The following XG variants were observed in gnomAD, a reference collection of about 807,000 sequenced individuals.
XG encodes the protein glycoprotein Xg.
A neutral mutation model predicts 25.7 loss-of-function variants in XG; 24 were observed. The ratio of observed to expected loss-of-function variants is 0.93; its 90% CI spans 0.68 to 1.31. The LOEUF (loss-of-function observed/expected upper bound fraction) is 1.31. Among genes scored for constraint, XG ranks in the 40% most tolerant of loss-of-function variants. XG has a pLI of 0.00. For synonymous variants in XG, 77 were observed against 69.2 expected, an observed-to-expected ratio of 1.11 and a Z score of -0.56; for missense variants, 181 against 187.6, an observed-to-expected ratio of 0.96 and a Z score of 0.21.
chrX:2,801,042 G>A (rs1265533817), intron 7 of XG, among the ~76,000 whole-genome samples: 3 of 106,893 alleles, frequency 2.8e-5, no homozygotes, highest in Non-Finnish European at 5.8e-5. Context: ...AACGTACTAT[G>A]AGATGAGTTC....
At position 2,815,664 on chromosome X, in the gene XG, G is replaced by A. The variant is rs1362626356; in HGVS notation, c.*1284G>A. 3 of 110,728 alleles carry A rather than the reference G, an allele frequency of 2.7e-5. No individual in the cohort carries two copies. Among genetic ancestry groups the A allele is most frequent in the Non-Finnish European group, 5.7e-5 (3 of 52,872 alleles). 9.1% of individuals were successfully genotyped at this position (110,728 alleles called of 1,213,427 possible). A position where few individuals can be genotyped will look rare whatever the true frequency, so the allele number is the denominator to read the frequency against. ...TCCATATTTCCTATTTCAGTATTAGGTCCTGCAACACTTTTCAATTCTTGT... is the reference window on the plus strand; with the variant it reads ...TCCATATTTCCTATTTCAGTATTAGATCCTGCAACACTTTTCAATTCTTGT... On this transcript the variant is annotated 3_prime_UTR_variant, in exon 11 of 11. Coordinates refer to ENST00000644266, the MANE Select transcript of XG (RefSeq NM_001141919.2).
At chrX:2,782,391 C>G (rs989510568) in intron 4 of XG, among the ~76,000 whole-genome samples, 2 of 112,071 alleles carry the variant, frequency 1.8e-5, no homozygotes, top group African/African-American at 6.5e-5. Context: ...GCTGCCTAGA[C>G]AGAGCTGATT....
chrX:2,776,564 G>C (rs760350309), intron 3 of XG, among the ~76,000 whole-genome samples: 1 of 152,206 alleles, frequency 6.6e-6, no homozygotes, highest in South Asian at 2.1e-4. Context: ...GGCTCTCTTA[G>C]CTAAGGGAGA....
intron 3 of XG, among the ~76,000 whole-genome samples, chrX:2,776,034 A>C (rs1228228667): frequency 6.6e-6 from 1 of 152,114 alleles, no homozygotes; most frequent in Non-Finnish European, 1.5e-5. Context: ...TCACGCCTGT[A>C]ATCCCAGCAC....
At chrX:2,785,453 TAA>T (rs200718557) in intron 4 of XG, among the ~76,000 whole-genome samples, 4 of 92,846 alleles carry the variant, frequency 4.3e-5, no homozygotes, top group Non-Finnish European at 8.8e-5. Flanking sequence ...TTAAAAAACT[TAA>T]AAAAATTTTT....
chrX:2,780,729 A>AT (rs1569463969), intron 3 of XG, among the ~76,000 whole-genome samples: 4 of 60,018 alleles, frequency 6.7e-5, no homozygotes. Context: ...AAAAAAAAAA[A>AT]GAAGAAGTAT....
intron 2 of XG, among the ~76,000 whole-genome samples, chrX:2,771,063 A>G (rs759719861): frequency 1.3e-5 from 2 of 152,052 alleles, no homozygotes; most frequent in Non-Finnish European, 1.5e-5. Flanking sequence ...TATGTTGCCC[A>G]GGCTGGTCTT....
chrX:2,764,105 C>T (rs1191750764), intron 1 of XG, among the ~76,000 whole-genome samples: 1 of 152,136 alleles, frequency 6.6e-6, no homozygotes, highest in Admixed American at 6.5e-5. Context: ...TCCAAGATGG[C>T]GATGAGAGTG....
chrX:2,793,770 A>G (rs145876333), intron 5 of XG, among the ~76,000 whole-genome samples: 1,614 of 111,376 alleles, frequency 0.014, 15 homozygotes, highest in Non-Finnish European at 0.024. Context: ...AGAGAAAAGG[A>G]GAGTGGATCG....
chrX:2,762,730 A>G (rs311124), intron 1 of XG, among the ~76,000 whole-genome samples: 121,138 of 152,186 alleles, frequency 0.8, 48,432 homozygotes, highest in East Asian at 0.93. Context: ...GTTGCAACCT[A>G]CGGTCCTAAC....
At chrX:2,789,356 TGCTGGCATCTGTAG>T (rs2086814951) in intron 4 of XG, among the ~76,000 whole-genome samples, 1 of 112,435 alleles carries the variant, frequency 8.9e-6, no homozygotes, top group South Asian at 3.7e-4. Flanking sequence ...CTGTAAATGG[TGCTGGCATCTGTAG>T]TAGCCCTAAA....
At chrX:2,794,780 G>A (rs1398632330) in intron 6 of XG, among the ~76,000 whole-genome samples, 177 bp downstream of exon 6, 2 of 112,046 alleles carry the variant, frequency 1.8e-5, no homozygotes, top group East Asian at 2.8e-4. Context: ...TGGGGTTTGC[G>A]GTCTGGGCAT....
chrX:2,783,908 A>T (rs2147062678), intron 4 of XG, among the ~76,000 whole-genome samples: 1 of 112,111 alleles, frequency 8.9e-6, no homozygotes, highest in Non-Finnish European at 1.9e-5. Context: ...CCAGGAGAGG[A>T]AGGTTACAGT....
intron 1 of XG, among the ~76,000 whole-genome samples, chrX:2,762,954 G>C (rs1179448284): frequency 2.6e-5 from 4 of 152,194 alleles, no homozygotes; most frequent in Non-Finnish European, 5.9e-5. Flanking sequence ...GGTGATTGTA[G>C]TGTAGAACAA....
intron 2 of XG, among the ~76,000 whole-genome samples, chrX:2,773,575 GAA>G (rs2050890940): frequency 2.3e-5 from 2 of 88,184 alleles, no homozygotes; most frequent in African/African-American, 8.9e-5. Context: ...GAGAAGGAAG[GAA>G]GGAGAGAAGG....
chrX:2,776,032 G>A (rs2109378), intron 3 of XG, among the ~76,000 whole-genome samples: 9,004 of 151,986 alleles, frequency 0.059, 117 homozygotes, highest in Admixed American at 0.11. Flanking sequence ...GCTCACGCCT[G>A]TAATCCCAGC....
chrX:2,805,090 A>G (rs2086982216), intron 7 of XG, among the ~76,000 whole-genome samples: 1 of 112,221 alleles, frequency 8.9e-6, no homozygotes. Context: ...AGCCGCCGCC[A>G]TGGGATGAGT....
chrX:2,778,884 G>A (rs886744190), intron 3 of XG, among the ~76,000 whole-genome samples: 1 of 150,816 alleles, frequency 6.6e-6, no homozygotes, highest in Non-Finnish European at 1.5e-5. Flanking sequence ...AGTAATTCTC[G>A]TGCCTCAGCT....
chrX:2,755,649 CA>C (rs1408317620), intron 1 of XG, among the ~76,000 whole-genome samples: 15 of 152,148 alleles, frequency 9.9e-5, no homozygotes, highest in African/African-American at 3.6e-4. Context: ...GCCTCTGACA[CA>C]AGTAGCGCCC....
Sources: allele counts gnomAD v4.1 joint callset (sites outside exome capture counted in the v4.1 genomes callset), GRCh38; gene constraint gnomAD v4.1.1; transcripts MANE v1.5; gene names NCBI Gene and HGNC (gene_info 2026-07-23, HGNC 2026-07-21).